Variants in NEBL observed in about 807,000 individuals in gnomAD.
The protein encoded by NEBL is LIM and SH3 protein 2.
Under a neutral mutation model 140.2 loss-of-function variants are expected in NEBL, and 122 were observed. The ratio of observed to expected loss-of-function variants is 0.87; its 90% CI spans 0.75 to 1.01. The LOEUF is 1.01. Ranked by LOEUF, NEBL falls within the 50% of genes least tolerant of loss-of-function variation. The probability of loss-of-function intolerance (pLI) is 0.00; values close to 1 mark genes in which losing one functional copy is unlikely to be tolerated. For synonymous variants in NEBL, 436 were observed against 398.9 expected, an observed-to-expected ratio of 1.09 and a Z score of -1.11; for missense variants, 1,365 against 1,231.3, an observed-to-expected ratio of 1.11 and a Z score of -1.62.
intron 1 of NEBL, among the ~76,000 whole-genome samples, chr10:21,288,317 A>T: frequency 6.6e-6 from 1 of 151,970 alleles, no homozygotes; most frequent in Non-Finnish European, 1.5e-5. Flanking sequence ...AAACTATGAA[A>T]ATTAGCCAGG....
intron 23 of NEBL, chr10:20,813,633 CA>C (rs1047892387): frequency 1.3e-5 from 4 of 302,026 alleles, no homozygotes; most frequent in African/African-American, 6.4e-5. Flanking sequence ...GACAGGCAAA[CA>C]GACCAAATTT....
chr10:20,956,103 C>A (rs1835790336), intron 4 of NEBL, among the ~76,000 whole-genome samples: 1 of 152,064 alleles, frequency 6.6e-6, no homozygotes, highest in South Asian at 2.1e-4. Flanking sequence ...AGAGATCAGC[C>A]TTTGAAGTTC....
In NEBL at chr10:21,237,953, T is replaced by C. The variant is rs375973610; in HGVS notation, n.348+9968A>G. On this transcript the variant is annotated intron_variant and non_coding_transcript_variant, in intron 3 of 8. Coordinates refer to the NEBL transcript ENST00000675702. ...CTACCTTAATTTATTGTTAGTTTTCTTGCCTTAGACCCCTCAGTGATCTAT... is the reference window on the plus strand; with the variant it reads ...CTACCTTAATTTATTGTTAGTTTTCCTGCCTTAGACCCCTCAGTGATCTAT... 3.3e-5 allele frequency among the ~76,000 whole-genome samples: 5 copies of C among 152,318 alleles called. No individual in the cohort carries two copies. The East Asian group carries it at 9.7e-4, about 29-fold the overall frequency.
At chr10:20,967,093 G>A (rs761928056) in intron 3 of NEBL, among the ~76,000 whole-genome samples, 4 of 152,090 alleles carry the variant, frequency 2.6e-5, no homozygotes, top group African/African-American at 7.2e-5. Context: ...CAGCTCACCA[G>A]CTCTACACCA....
At position 21,089,382 on chromosome 10, in the gene NEBL, G is replaced by T. The variant is rs537054062; in HGVS notation, c.165-69181C>A. Among the ~76,000 whole-genome samples the T allele has an allele frequency of 5.3e-5, 8 of 152,250 alleles. No homozygotes were observed. The South Asian group carries it at 1.7e-3, about 32-fold the overall frequency. On this transcript the variant is annotated intron_variant, in intron 2 of 6. Transcript: ENST00000417816. Reference sequence around the variant, plus strand: ...CTTAGAGCTAGCCATGGAAGTCCTGGACTCCAAGACTGCGTTGGAACAAAG... The same window carrying T: ...CTTAGAGCTAGCCATGGAAGTCCTGTACTCCAAGACTGCGTTGGAACAAAG...
chr10:21,104,370 T>C (rs1483948178), intron 2 of NEBL, among the ~76,000 whole-genome samples: 1 of 152,182 alleles, frequency 6.6e-6, no homozygotes, highest in Non-Finnish European at 1.5e-5. Flanking sequence ...ATGAGCATTG[T>C]ATATCTCCCC....
intron 26 of NEBL, among the ~76,000 whole-genome samples, chr10:20,791,316 A>G (rs1835950359): frequency 6.6e-6 from 1 of 152,230 alleles, no homozygotes; most frequent in African/African-American, 2.4e-5. Context: ...ATTAAAATGG[A>G]AAGAGATAAA....
intron 3 of NEBL, among the ~76,000 whole-genome samples, chr10:21,007,694 T>G: frequency 6.6e-6 from 1 of 152,130 alleles, no homozygotes; most frequent in South Asian, 2.1e-4. Context: ...AAAACAGACA[T>G]AAAAAACCTT....
intron 3 of NEBL, among the ~76,000 whole-genome samples, chr10:21,232,075 A>G (rs1198287448): frequency 6.6e-6 from 1 of 152,128 alleles, no homozygotes; most frequent in Non-Finnish European, 1.5e-5. Flanking sequence ...GGGTTAAGTC[A>G]CACTTCCCTA....
chr10:21,276,170 C>G (rs768305540), intron 1 of NEBL, among the ~76,000 whole-genome samples: 2 of 151,924 alleles, frequency 1.3e-5, no homozygotes, highest in Admixed American at 1.3e-4. Flanking sequence ...CAGCGTTCCA[C>G]CATGTTGGGC....
chr10:20,897,278 G>T lies in NEBL; in HGVS notation c.-73C>A. Reference sequence around the variant, plus strand: ...TCCTTTTCCATACCACAGTGCCCTTGAGATGCTGACGTCTCTGGTGCTCTG... The same window carrying T: ...TCCTTTTCCATACCACAGTGCCCTTTAGATGCTGACGTCTCTGGTGCTCTG... On this transcript the variant is annotated 5_prime_UTR_variant, in exon 1 of 28. Transcript: ENST00000377122. 1 of 1,518,736 alleles carries T rather than the reference G, an allele frequency of 6.6e-7. No individual in the cohort carries two copies. The highest frequency in any genetic ancestry group is 1.3e-5 in the South Asian group (1 of 78,500). 94.1% of individuals were successfully genotyped at this position (1,518,736 alleles called of 1,614,324 possible). A position where few individuals can be genotyped will look rare whatever the true frequency, so the allele number is the denominator to read the frequency against.
At chr10:21,077,463 C>T (rs1410714863) in intron 2 of NEBL, among the ~76,000 whole-genome samples, 1 of 151,882 alleles carries the variant, frequency 6.6e-6, no homozygotes, top group Non-Finnish European at 1.5e-5. Flanking sequence ...AAAAATTAGC[C>T]AGGCATGGTG....
chr10:20,789,953 GTA>G (rs144361238), intron 26 of NEBL, among the ~76,000 whole-genome samples: 229 of 146,136 alleles, frequency 1.6e-3, no homozygotes, highest in African/African-American at 3.6e-3. Context: ...ATATGTGTGT[GTA>G]TATATATATA....
rs184675548 is a variant in NEBL, at chr10:20,860,393, A to G, written c.685-567T>C. ...TTTAATTCCACTAAATTCAGCAGGA[A>G]AACCATCTCCAATACTCTCTCTAAA... On this transcript the variant is annotated intron_variant, in intron 7 of 27. Coordinates refer to ENST00000377122, the MANE Select transcript of NEBL (RefSeq NM_006393.3). 5.8e-3 allele frequency among the ~76,000 whole-genome samples: 889 copies of G among 152,080 alleles called. 24 individuals carry two copies. Among genetic ancestry groups the G allele is most frequent in the Non-Finnish European group, 5.1e-3 (347 of 67,922 alleles).
chr10:21,002,282 T>C (rs1439560985), intron 3 of NEBL, among the ~76,000 whole-genome samples: 2 of 152,122 alleles, frequency 1.3e-5, no homozygotes, highest in Non-Finnish European at 1.5e-5. Flanking sequence ...CTTCGTGTCC[T>C]ATGCAGGAAA....
In NEBL at chr10:21,128,705, C is replaced by G. The variant is rs143950311; in HGVS notation, c.164+43678G>C. ...CAAGAGAACATCATCAACACCTTTT[C>G]CAAATCTCAACTCTCAACTTATCCC... On this transcript the variant is annotated intron_variant, in intron 2 of 6. Transcript: ENST00000417816. Among the ~76,000 whole-genome samples, 1,320 of 152,214 alleles carry G rather than the reference C, an allele frequency of 8.7e-3. 13 individuals are homozygous for G. Among genetic ancestry groups the G allele is most frequent in the Non-Finnish European group, 0.013 (876 of 67,992 alleles).
intron 2 of NEBL, chr10:21,030,129 CA>C: frequency 2.1e-6 from 1 of 469,660 alleles, no homozygotes; most frequent in Non-Finnish European, 4.1e-6. Flanking sequence ...GCTAGAGAAA[CA>C]AAAGTAGAAG....
intron 2 of NEBL, chr10:21,070,044 A>G: frequency 2.2e-6 from 1 of 455,734 alleles, no homozygotes; most frequent in Non-Finnish European, 4.4e-6. Context: ...TGTCACCTCC[A>G]CACAAAGCCT....
chr10:20,985,242 T>C lies in NEBL; in HGVS notation c.250-23463A>G, dbSNP rs181501083. Among the ~76,000 whole-genome samples, 51 of 152,312 alleles carry C rather than the reference T, an allele frequency of 3.3e-4. 1 individual carries two copies. The South Asian group carries it at 3.7e-3, about 11-fold the overall frequency. Reference sequence around the variant, plus strand: ...TGGTGCCAAAAAGGTTGGTGACCGCTATGGTGAAGAAAATGCCCCACATCT... The same window carrying C: ...TGGTGCCAAAAAGGTTGGTGACCGCCATGGTGAAGAAAATGCCCCACATCT... On this transcript the variant is annotated intron_variant, in intron 3 of 6. Coordinates refer to the NEBL transcript ENST00000417816.
Sources: gnomAD v4.1 joint callset for allele counts (sites outside exome capture counted in the v4.1 genomes callset) on GRCh38, gnomAD v4.1.1 for gene constraint, MANE v1.5 for transcripts, NCBI Gene and HGNC (gene_info 2026-07-23, HGNC 2026-07-21) for gene names.